The following MYO9B variants were observed in gnomAD, a reference collection of about 807,000 sequenced individuals.
The protein encoded by MYO9B is myosin IXB, also known as unconventional myosin-IXb.
Under a neutral mutation model 229.5 loss-of-function variants are expected in MYO9B, and 71 were observed. The ratio of observed to expected loss-of-function variants is 0.31; its 90% CI spans 0.26 to 0.38. MYO9B has a LOEUF of 0.38. Among genes scored for constraint, MYO9B ranks in the 10% least tolerant of loss-of-function variants. MYO9B has a pLI of 1.00. For synonymous variants in MYO9B, 1,185 were observed against 1,235.8 expected, an observed-to-expected ratio of 0.96 and a Z score of 0.86; for missense variants, 2,255 against 2,920.5, an observed-to-expected ratio of 0.77 and a Z score of 5.25.
chr19:17,210,733 C>G lies in MYO9B; in HGVS notation c.5815C>G (p.Arg1939Gly). The G allele has an allele frequency of 1.3e-6, 2 of 1,554,632 alleles. No individual in the cohort carries two copies. The highest frequency in any genetic ancestry group is 1.7e-6 in the Non-Finnish European group (2 of 1,149,342). The change falls in exon 38 of 40, where the codon CGG (arginine) becomes GGG (glycine). Residue 1939 changes from arginine to glycine, a missense_variant. Physicochemically the swap from Arg to Gly is moderately radical, Grantham distance 125 (BLOSUM62 -2). This residue lies in a region of MYO9B where 331 missense variants were observed against 332.5 expected (regional missense o/e 1.00). Coordinates refer to ENST00000682292, the MANE Select transcript of MYO9B (RefSeq NM_004145.4). The part of the protein sequence containing the change: ...EGVLNKSPKT[R>G]DIQEEELEVL... ...GTTTCAGAACAAGAGCCCCAAGACC[C>G]GGGACATCCAGGAGGAGGAGCTGGA... is the stretch of plus-strand genomic sequence containing the variant.
rs976527293 is a variant in MYO9B at position 17,163,080 on chromosome 19, G to A, written c.1629G>A (p.Gln543=). The A allele has an allele frequency of 5.1e-6, 8 of 1,578,304 alleles. No homozygotes were observed. The highest frequency in any genetic ancestry group is 6.9e-6 in the Non-Finnish European group (8 of 1,161,530). Residue 543 remains glutamine (Q), a synonymous_variant, in exon 10 of 40, where the codon CAG becomes CAA. Coordinates refer to ENST00000682292, the MANE Select transcript of MYO9B (RefSeq NM_004145.4). ...EQFCINYANE[Q]LQYYFNQHIF... ...TCTGCATCAACTACGCCAATGAGCA[G>A]CTGCAGTATTACTTCAACCAGCACA...
At chr19:17,111,083 A>G (rs1213964046) in intron 2 of MYO9B, among the ~76,000 whole-genome samples, 2 of 152,118 alleles carry the variant, frequency 1.3e-5, no homozygotes, top group Non-Finnish European at 2.9e-5. Context: ...CTCTGCCCTC[A>G]AGGACACCTG....
In MYO9B at chr19:17,195,584, G is replaced by T; in HGVS notation, c.4046+111G>T. 2.2e-6 allele frequency: 3 copies of T among 1,363,032 alleles called. No homozygotes were observed. The highest frequency in any genetic ancestry group is 3.0e-6 in the Non-Finnish European group (3 of 1,006,318). 84.4% of individuals were successfully genotyped at this position (1,363,032 alleles called of 1,614,324 possible). ...ACATGTGTAATCATGCCCAGTGGGTGTGCGGGAGGCCTGAGGGAGGAGGAC... is the reference window on the plus strand; with the variant it reads ...ACATGTGTAATCATGCCCAGTGGGTTTGCGGGAGGCCTGAGGGAGGAGGAC... On this transcript the variant is annotated intron_variant, in intron 22 of 39. Transcript: ENST00000682292. This position sits in a 1 kb window ranked among gnomAD's most constrained non-coding sequence, Gnocchi z 4.5.
rs1048899225 is a variant in MYO9B at position 17,205,655 on chromosome 19, G to A, written c.5065-305G>A. On this transcript the variant is annotated intron_variant, in intron 31 of 39. Coordinates refer to ENST00000682292, the MANE Select transcript of MYO9B (RefSeq NM_004145.4). ...GGTTGGGGTCCTGGGTGCTGGGGGT[G>A]CAGCAAGAGTCAGGGTCTACTTCTG... 5.3e-5 allele frequency among the ~76,000 whole-genome samples: 8 copies of A among 152,300 alleles called. No homozygotes were observed. In the South Asian group the frequency reaches 1.7e-3, roughly 32 times the overall value.
In MYO9B at chr19:17,145,184, G is replaced by A. The variant is rs55946707; in HGVS notation, c.841-213G>A. On this transcript the variant is annotated intron_variant, in intron 2 of 39. Transcript: ENST00000682292. Reference sequence around the variant, plus strand: ...CCAGCTACTCAGGAGGCTGAGGCATGAGAATTGCTTGAACCCGGGAGGCAG... The same window carrying A: ...CCAGCTACTCAGGAGGCTGAGGCATAAGAATTGCTTGAACCCGGGAGGCAG... 2.4e-4 allele frequency among the ~76,000 whole-genome samples: 37 copies of A among 152,190 alleles called. 1 individual carries two copies. Among genetic ancestry groups the A allele is most frequent in the Admixed American group, 8.5e-4 (13 of 15,262 alleles).
At chr19:17,122,703 A>G (rs1599345625) in intron 2 of MYO9B, among the ~76,000 whole-genome samples, 1 of 152,222 alleles carries the variant, frequency 6.6e-6, no homozygotes, top group African/African-American at 2.4e-5. Context: ...ACAGACAGCC[A>G]ATGACAGGCA....
In MYO9B at chr19:17,201,919, C is replaced by T. The variant is rs779868277; in HGVS notation, c.4564-7C>T. The T allele has an allele frequency of 2.5e-6, 4 of 1,609,810 alleles. No individual in the cohort carries two copies. In the Admixed American group the frequency reaches 5.0e-5, roughly 20 times the overall value. On this transcript the variant is annotated splice_region_variant and splice_polypyrimidine_tract_variant and intron_variant, in intron 26 of 39. Transcript: ENST00000682292. ...GGCACGCAGGGTCAGTTCCTCTCCC[C>T]TTCCAGATAAATGACCTCCGTTCCC...
chr19:17,169,865 G>A (rs2072703817), intron 11 of MYO9B, among the ~76,000 whole-genome samples: 2 of 132,422 alleles, frequency 1.5e-5, no homozygotes, highest in African/African-American at 5.9e-5. Context: ...TGCCCAGGCT[G>A]GAGGGTAGTG....
At chr19:17,081,172 C>T (rs772660806) in intron 1 of MYO9B, among the ~76,000 whole-genome samples, 16 of 152,152 alleles carry the variant, frequency 1.1e-4, no homozygotes, top group South Asian at 2.1e-4. Context: ...GGACTACAGG[C>T]GTGCGCCACC....
At chr19:17,092,831 C>A (rs925283500) in intron 1 of MYO9B, among the ~76,000 whole-genome samples, 1 of 151,204 alleles carries the variant, frequency 6.6e-6, no homozygotes, top group Non-Finnish European at 1.5e-5. Context: ...ACTATGTGTA[C>A]AAGCATGTGT....
chr19:17,154,759 A>G (rs1439604829), intron 6 of MYO9B, among the ~76,000 whole-genome samples: 1 of 152,128 alleles, frequency 6.6e-6, no homozygotes, highest in Non-Finnish European at 1.5e-5. Context: ...CCAAGAGTTC[A>G]AGACCAGCCT....
chr19:17,188,110 A>C, intron 19 of MYO9B, 65 bp downstream of exon 19: 1 of 1,389,516 alleles, frequency 7.2e-7, no homozygotes, highest in East Asian at 2.6e-5. Flanking sequence ...CCCTCTTCCA[A>C]AGAGAGCTCC....
intron 3 of MYO9B, among the ~76,000 whole-genome samples, chr19:17,145,807 G>A (rs2072402030): frequency 6.6e-6 from 1 of 152,150 alleles, no homozygotes; most frequent in Admixed American, 6.6e-5. Context: ...CAGGCAGTGG[G>A]GATGCGGACT....
intron 1 of MYO9B, among the ~76,000 whole-genome samples, chr19:17,081,504 G>T (rs1417776971): frequency 6.6e-6 from 1 of 152,074 alleles, no homozygotes; most frequent in Non-Finnish European, 1.5e-5. Flanking sequence ...CATACATTCA[G>T]GGGTGACTAA....
intron 2 of MYO9B, among the ~76,000 whole-genome samples, chr19:17,143,794 G>A (rs898380119): frequency 6.6e-6 from 1 of 152,294 alleles, no homozygotes. Flanking sequence ...GGTGGCACAC[G>A]CCTGTATTCC....
At position 17,212,702 on chromosome 19, in the gene MYO9B, C is replaced by T. The variant is rs537369371; in HGVS notation, c.*392C>T. 8.9e-5 allele frequency: 16 copies of T among 179,068 alleles called. No individual in the cohort carries two copies. Among genetic ancestry groups the T allele is most frequent in the African/African-American group, 3.5e-4 (15 of 42,464 alleles). The allele number at this position is 179,068 out of a possible 1,614,324, so 11.1% of individuals were successfully genotyped here. A position where few individuals can be genotyped will look rare whatever the true frequency, so the allele number is the denominator to read the frequency against. ...TACAAAGTTTTCTATTAACGCTGCC[C>T]GTCTCCCTTATAACCTGGACGTGAG... On this transcript the variant is annotated 3_prime_UTR_variant, in exon 40 of 40. Transcript: ENST00000682292. This position sits in a 1 kb window ranked among gnomAD's most constrained non-coding sequence, Gnocchi z 5.4.
chr19:17,156,956 A>G lies in MYO9B; in HGVS notation c.1247A>G (p.Tyr416Cys). 1 of 1,613,848 alleles carries G rather than the reference A, an allele frequency of 6.2e-7. No homozygotes were observed. The highest frequency in any genetic ancestry group is 8.5e-7 in the Non-Finnish European group (1 of 1,179,852). ...SAILYLGNVTYKKRATGREEG... is the reference protein window; with the variant it reads ...SAILYLGNVTCKKRATGREEG... The stretch of plus-strand genomic sequence containing the variant: ...ATCCTGTACCTGGGCAACGTCACTT[A>G]TAAGAAGAGAGCTACAGGCCGAGAG... Residue 416 changes from tyrosine to cysteine, a missense_variant, in exon 7 of 40, where the codon TAT becomes TGT. Coordinates refer to ENST00000682292, the MANE Select transcript of MYO9B (RefSeq NM_004145.4).
chr19:17,185,760 A>T (rs1275652074), intron 17 of MYO9B, among the ~76,000 whole-genome samples, 161 bp from the exon 18 acceptor site: 1 of 152,096 alleles, frequency 6.6e-6, no homozygotes, highest in Admixed American at 6.6e-5. Context: ...TTGGGTCAGA[A>T]CGTCCAGCTG....
Position 17,102,367 on chromosome 19 carries a change from C to T in MYO9B, c.650C>T (p.Ala217Val), listed in dbSNP as rs200521891. 3.0e-5 allele frequency: 48 copies of T among 1,613,934 alleles called. No homozygotes were observed. In the Middle Eastern group the frequency reaches 4.9e-4, roughly 17 times the overall value. The change falls in exon 2 of 40, where the codon GCG becomes GTG. Residue 217 changes from alanine (A) to valine (V), a missense_variant. Physicochemically the swap from Ala to Val is moderately conservative, Grantham distance 64 (BLOSUM62 0). Around this residue, in one of 7 missense-constraint regions of MYO9B, gnomAD observed 386 missense variants for 515.2 expected, o/e 0.75. Coordinates refer to ENST00000682292, the MANE Select transcript of MYO9B (RefSeq NM_004145.4). ...QLGKLEPHVF[A>V]LADVAYYTML... ...GGCAAGCTGGAGCCACACGTCTTCG[C>T]GCTGGCCGACGTGGCCTACTACACC... is the stretch of plus-strand genomic sequence containing the variant.
Sources: gnomAD v4.1 joint callset for allele counts (sites outside exome capture counted in the v4.1 genomes callset) on GRCh38, gnomAD v4.1.1 for gene constraint, gnomAD v4.1.1 regional missense constraint, Gnocchi (gnomAD v3.1) non-coding constraint, MANE v1.5 for transcripts, NCBI Gene and HGNC (gene_info 2026-07-23, HGNC 2026-07-21) for gene names.